KDM4C: variants seen among roughly 807,000 people sequenced by gnomAD.
The protein encoded by KDM4C is lysine demethylase 4C, also known as lysine-specific demethylase 4C.
A neutral mutation model predicts 129.3 loss-of-function variants in KDM4C; 81 were observed. The observed-to-expected ratio is 0.63, with a 90% CI of 0.52 to 0.75. KDM4C has a LOEUF of 0.75. Among genes scored for constraint, KDM4C ranks in the 30% least tolerant of loss-of-function variants. The probability of loss-of-function intolerance (pLI) is 0.00; values close to 1 mark genes in which losing one functional copy is unlikely to be tolerated. For synonymous variants in KDM4C, 573 were observed against 456.1 expected (o/e 1.26, Z -3.26); for missense variants, 1,457 against 1,304.0 (o/e 1.12, Z -1.81).
chr9:7,011,633 G>A (rs116897435), intron 12 of KDM4C, 65 bp from the exon 13 acceptor site: 34,107 of 1,390,964 alleles, frequency 0.025, 464 homozygotes, highest in Non-Finnish European at 0.029. Context: ...TATTTCTTTT[G>A]TACTCAGGGT....
intron 8 of KDM4C, chr9:6,974,908 G>A (rs527261172): frequency 1.3e-5 from 2 of 152,252 alleles, no homozygotes; most frequent in South Asian, 4.1e-4. Context: ...CTCTAACTCT[G>A]AACTTCCACA....
chr9:7,092,725 G>T (rs1835944780), intron 17 of KDM4C, among the ~76,000 whole-genome samples: 1 of 152,130 alleles, frequency 6.6e-6, no homozygotes, highest in South Asian at 2.1e-4. Context: ...TTTCACAAAA[G>T]TCCTGGAGGT....
chr9:6,784,860 T>A (rs1825140339), intron 1 of KDM4C, among the ~76,000 whole-genome samples: 1 of 152,178 alleles, frequency 6.6e-6, no homozygotes, highest in Non-Finnish European at 1.5e-5. Flanking sequence ...AATAACTGGG[T>A]AGATGTGCTA....
chr9:6,990,603 A>G, intron 12 of KDM4C, 79 bp downstream of exon 12: 2 of 905,084 alleles, frequency 2.2e-6, no homozygotes, highest in Non-Finnish European at 3.4e-6. Flanking sequence ...AAATTGCTGA[A>G]TAGAAAAAAA....
intron 17 of KDM4C, among the ~76,000 whole-genome samples, chr9:7,102,877 A>C (rs1837259418): frequency 6.6e-6 from 1 of 152,176 alleles, no homozygotes; most frequent in South Asian, 2.1e-4. Flanking sequence ...CTAACCCTCA[A>C]GTATTAGTTC....
chr9:6,753,861 T>C (rs1429192252), upstream of KDM4C, among the ~76,000 whole-genome samples: 1 of 150,622 alleles, frequency 6.6e-6, no homozygotes, highest in African/African-American at 2.4e-5. Context: ...ATTACTATCA[T>C]TGAATTCTTT....
chr9:6,908,417 T>C (rs191331544), intron 8 of KDM4C, among the ~76,000 whole-genome samples: 2 of 152,322 alleles, frequency 1.3e-5, no homozygotes, highest in East Asian at 3.9e-4. Context: ...TGGGAGGGCC[T>C]TACAAGCTGA....
At chr9:6,882,724 G>C (rs898906879) in intron 6 of KDM4C, among the ~76,000 whole-genome samples, 1 of 151,932 alleles carries the variant, frequency 6.6e-6, no homozygotes, top group Non-Finnish European at 1.5e-5. Flanking sequence ...AAAGGGAATA[G>C]AAGAAACATT....
At chr9:6,984,498 T>G (rs1337586195) in intron 10 of KDM4C, 94 bp downstream of exon 10, 10 of 774,650 alleles carry the variant, frequency 1.3e-5, no homozygotes, top group Non-Finnish European at 2.0e-5. Context: ...AGTATCTGAC[T>G]AGTCCACATA....
At chr9:7,139,327 T>C (rs908994055) in intron 19 of KDM4C, among the ~76,000 whole-genome samples, 11 of 152,236 alleles carry the variant, frequency 7.2e-5, no homozygotes, top group Non-Finnish European at 1.0e-4. Flanking sequence ...TTATGTGTTA[T>C]ATTATCATTC....
chr9:6,872,886 A>G lies in KDM4C; in HGVS notation c.630-7126A>G, dbSNP rs529420844. Among the ~76,000 whole-genome samples, 6 of 152,330 alleles carry G rather than the reference A, an allele frequency of 3.9e-5. No individual in the cohort carries two copies. In the East Asian group the frequency reaches 9.6e-4, roughly 24 times the overall value. On this transcript the variant is annotated intron_variant, in intron 5 of 21. Coordinates refer to ENST00000381309, the MANE Select transcript of KDM4C (RefSeq NM_015061.6). ...TGGATGTAATTTAAAGTCACCAGCC[A>G]TATTCGCCTTTAACAATAGAGTTCT...
At chr9:6,804,902 C>CT (rs995164771) in intron 2 of KDM4C, among the ~76,000 whole-genome samples, 10 of 151,778 alleles carry the variant, frequency 6.6e-5, no homozygotes, top group African/African-American at 2.4e-4. Flanking sequence ...ATAATTTCGT[C>CT]TTTTTTTGTT....
At chr9:7,156,761 T>C (rs1843215635) in intron 19 of KDM4C, among the ~76,000 whole-genome samples, 1 of 152,232 alleles carries the variant, frequency 6.6e-6, no homozygotes, top group Non-Finnish European at 1.5e-5. Flanking sequence ...TGTAGCCTTG[T>C]AGTATAGTTT....
chr9:6,991,166 C>A (rs1265019027), intron 12 of KDM4C, among the ~76,000 whole-genome samples: 1 of 152,070 alleles, frequency 6.6e-6, no homozygotes, highest in South Asian at 2.1e-4. Context: ...GCAGCCTCAA[C>A]CTCCCAGGCC....
At chr9:6,779,814 A>G (rs1823927223) in intron 1 of KDM4C, among the ~76,000 whole-genome samples, 1 of 152,228 alleles carries the variant, frequency 6.6e-6, no homozygotes, top group Non-Finnish European at 1.5e-5. Flanking sequence ...GCTGTTTTAC[A>G]AATACCAGAT....
chr9:6,948,629 C>A (rs373356607), intron 8 of KDM4C, among the ~76,000 whole-genome samples: 8 of 150,996 alleles, frequency 5.3e-5, no homozygotes, highest in South Asian at 4.3e-4. Flanking sequence ...GAGGACCCTG[C>A]GGCCTTCCGC....
At chr9:7,069,696 T>C (rs2132795533) in intron 17 of KDM4C, among the ~76,000 whole-genome samples, 1 of 152,356 alleles carries the variant, frequency 6.6e-6, no homozygotes, top group East Asian at 1.9e-4. Context: ...TAGTTTTATG[T>C]AATTTTATCA....
chr9:6,744,118 T>A (rs917025844), intron 1 of KDM4C, among the ~76,000 whole-genome samples: 1 of 11,668 alleles, frequency 8.6e-5, no homozygotes, highest in South Asian at 3.5e-3. Flanking sequence ...AGGGGTGGGG[T>A]GGGTGGGGAG....
chr9:6,872,787 G>C (rs184635796), intron 5 of KDM4C, among the ~76,000 whole-genome samples: 212 of 152,216 alleles, frequency 1.4e-3, no homozygotes, highest in African/African-American at 4.8e-3. Context: ...TGAGTCTCCT[G>C]AATACAGCAC....
Sources: allele counts gnomAD v4.1 joint callset (sites outside exome capture counted in the v4.1 genomes callset), GRCh38; gene constraint gnomAD v4.1.1; transcripts MANE v1.5; gene names NCBI Gene and HGNC (gene_info 2026-07-23, HGNC 2026-07-21).